TENM2: variants seen among roughly 807,000 people sequenced by gnomAD.
TENM2 encodes the protein teneurin transmembrane protein 2.
TENM2 carries 52 observed loss-of-function variants against 245.2 expected under a neutral mutation model. The ratio of observed to expected loss-of-function variants is 0.21; its 90% CI spans 0.17 to 0.27. The LOEUF (loss-of-function observed/expected upper bound fraction) is 0.27, where lower values mean the gene tolerates loss of function less well. Among genes scored for constraint, TENM2 ranks in the 10% least tolerant of loss-of-function variants. TENM2 has a pLI of 1.00. For missense variants in TENM2, 3,046 were observed against 3,666.8 expected, an observed-to-expected ratio of 0.83 and a Z score of 4.37; for synonymous variants, 1,363 against 1,438.9, an observed-to-expected ratio of 0.95 and a Z score of 1.19.
intron 21 of TENM2, 108 bp from the exon 24 acceptor site, chr5:168,216,660 A>G: frequency 9.9e-7 from 1 of 1,014,954 alleles, no homozygotes; most frequent in East Asian, 2.5e-5. Context: ...AATTCCAGTA[A>G]GGTCTCTGGT....
chr5:167,094,492 C>T, the TENM2 span, among the ~76,000 whole-genome samples: 1 of 152,070 alleles, frequency 6.6e-6, no homozygotes, highest in Non-Finnish European at 1.5e-5. Flanking sequence ...TTGTTTATAT[C>T]TTTTTATTTC....
At chr5:167,979,911 G>A (rs540074254) in intron 4 of TENM2, among the ~76,000 whole-genome samples, 30 of 152,204 alleles carry the variant, frequency 2.0e-4, no homozygotes, top group African/African-American at 5.5e-4. Context: ...GGACACTACC[G>A]GGAAAATAAA....
the TENM2 span, among the ~76,000 whole-genome samples, chr5:167,095,870 A>C: frequency 1.5e-4 from 23 of 151,224 alleles, no homozygotes; most frequent in Non-Finnish European, 7.4e-5. Context: ...TCCTGGGTTC[A>C]AGTGATTCTC....
At chr5:167,339,770 A>T (rs1410147753) in intron 1 of TENM2, among the ~76,000 whole-genome samples, 1 of 152,112 alleles carries the variant, frequency 6.6e-6, no homozygotes, top group Admixed American at 6.6e-5. Flanking sequence ...TAACGCCGTT[A>T]TAAAAGGGCT....
At chr5:168,130,693 T>A (rs1405736585) in intron 12 of TENM2, among the ~76,000 whole-genome samples, 2 of 151,756 alleles carry the variant, frequency 1.3e-5, no homozygotes, top group Non-Finnish European at 2.9e-5. Flanking sequence ...AGATCAGGAG[T>A]TTGAGACCAG....
At chr5:167,646,915 G>A (rs1288373171) in intron 2 of TENM2, among the ~76,000 whole-genome samples, 1 of 152,148 alleles carries the variant, frequency 6.6e-6, no homozygotes, top group Non-Finnish European at 1.5e-5. Flanking sequence ...CAGGATAACA[G>A]TTGTTCGCAG....
chr5:168,255,526 G>A (rs1443068899), intron 27 of TENM2, among the ~76,000 whole-genome samples: 5 of 152,090 alleles, frequency 3.3e-5, no homozygotes, highest in East Asian at 3.9e-4. Context: ...AGCTGGTCTC[G>A]AACTCCTGAC....
chr5:168,147,418 C>A (rs1443049289), intron 12 of TENM2, among the ~76,000 whole-genome samples: 1 of 152,178 alleles, frequency 6.6e-6, no homozygotes, highest in Non-Finnish European at 1.5e-5. Flanking sequence ...GCCTGGCTAT[C>A]CTGAACTTGG....
rs1043568627 is a variant in TENM2 at position 167,599,284 on chromosome 5, A to C, written c.502+223811A>C. 2.6e-5 allele frequency among the ~76,000 whole-genome samples: 4 copies of C among 152,214 alleles called. No homozygotes were observed. The South Asian group carries it at 8.3e-4, about 31-fold the overall frequency. ...GACAGAGAAAGAGAAAGGGTAGAAC[A>C]ATCCTCTTAAATTAGGAACTTCACA... On this transcript the variant is annotated intron_variant, in intron 2 of 28. Coordinates refer to ENST00000518659, the Ensembl canonical transcript of TENM2.
intron 3 of TENM2, among the ~76,000 whole-genome samples, chr5:167,924,984 T>A (rs1421388945): frequency 6.6e-6 from 1 of 152,162 alleles, no homozygotes; most frequent in Non-Finnish European, 1.5e-5. Context: ...TGACATTCTC[T>A]TATACAGTTA....
chr5:168,172,047 G>A (rs577529538), intron 13 of TENM2, among the ~76,000 whole-genome samples: 6 of 152,290 alleles, frequency 3.9e-5, no homozygotes, highest in Admixed American at 1.3e-4. Context: ...GTTCCCTACC[G>A]GGGCAACTCG....
At chr5:167,136,905 A>G in the TENM2 span, among the ~76,000 whole-genome samples, 2 of 152,188 alleles carry the variant, frequency 1.3e-5, no homozygotes, top group African/African-American at 2.4e-5. Flanking sequence ...GGCTGCTGTA[A>G]CACAAAACCA....
At chr5:167,320,808 C>A (rs1756665412) in intron 1 of TENM2, among the ~76,000 whole-genome samples, 1 of 152,124 alleles carries the variant, frequency 6.6e-6, no homozygotes, top group Non-Finnish European at 1.5e-5. Context: ...TATAAATTAC[C>A]CAGTCTCAGC....
At chr5:167,590,319 A>T (rs563511576) in intron 2 of TENM2, among the ~76,000 whole-genome samples, 1 of 152,000 alleles carries the variant, frequency 6.6e-6, no homozygotes, top group African/African-American at 2.4e-5. Flanking sequence ...TCTCAGCTTT[A>T]AAAAAAATCC....
chr5:167,471,630 A>G (rs1561983825), intron 2 of TENM2, among the ~76,000 whole-genome samples: 1 of 152,214 alleles, frequency 6.6e-6, no homozygotes, highest in Admixed American at 6.5e-5. Flanking sequence ...AGAAGTGTCA[A>G]ATAATTACCA....
chr5:167,515,573 A>G (rs1437274226), intron 2 of TENM2, among the ~76,000 whole-genome samples: 2 of 149,288 alleles, frequency 1.3e-5, no homozygotes, highest in Middle Eastern at 3.5e-3. Flanking sequence ...TGTCAATTGA[A>G]GAAGATAGGT....
chr5:167,865,524 T>C (rs1334522299), intron 2 of TENM2, among the ~76,000 whole-genome samples: 1 of 152,170 alleles, frequency 6.6e-6, no homozygotes, highest in Non-Finnish European at 1.5e-5. Flanking sequence ...TCCTCCTGCC[T>C]TGGCCTCCCA....
At chr5:167,695,740 A>C (rs1757718420) in intron 2 of TENM2, among the ~76,000 whole-genome samples, 1 of 149,860 alleles carries the variant, frequency 6.7e-6, no homozygotes, top group Non-Finnish European at 1.5e-5. Context: ...AAAAAAAAAA[A>C]CAAAACAGAA....
At chr5:168,197,939 G>A (rs1367882838) in intron 15 of TENM2, among the ~76,000 whole-genome samples, 4 of 152,162 alleles carry the variant, frequency 2.6e-5, no homozygotes, top group Non-Finnish European at 2.9e-5. Context: ...GCTGTAATGA[G>A]CTCCTCTCTG....
Sources: gnomAD v4.1 joint callset for allele counts (sites outside exome capture counted in the v4.1 genomes callset) on GRCh38, gnomAD v4.1.1 for gene constraint, MANE v1.5 for transcripts, NCBI Gene and HGNC (gene_info 2026-07-23, HGNC 2026-07-21) for gene names.